Variants in RCN3 observed in about 807,000 individuals in gnomAD.
RCN3 encodes reticulocalbin-3.
RCN3 carries 41 observed loss-of-function variants against 35.9 expected under a neutral mutation model. That is an observed-to-expected ratio of 1.14 (90% CI 0.89 to 1.48). The LOEUF (loss-of-function observed/expected upper bound fraction) is 1.48. RCN3 is among the 40% of genes most tolerant of loss of function. The pLI is 0.00. For missense variants in RCN3, 451 were observed against 471.3 expected (o/e 0.96, Z 0.40); for synonymous variants, 187 against 193.4 (o/e 0.97, Z 0.27).
chr19:49,532,710 C>T (rs2080114954), intron 2 of RCN3, among the ~76,000 whole-genome samples: 1 of 151,882 alleles, frequency 6.6e-6, no homozygotes, highest in African/African-American at 2.4e-5. Context: ...GAGTCTCGCT[C>T]TGTTGCCCAG....
At chr19:49,537,729 C>T (rs61102029) in intron 4 of RCN3, among the ~76,000 whole-genome samples, 15,349 of 151,894 alleles carry the variant, frequency 0.1, 998 homozygotes, top group African/African-American at 0.18. Context: ...AAACTTTTGA[C>T]CTCAGGTGAT....
At chr19:49,534,488 G>T in intron 3 of RCN3, 93 bp downstream of exon 3, 1 of 1,358,956 alleles carries the variant, frequency 7.4e-7, no homozygotes, top group Non-Finnish European at 9.9e-7. Flanking sequence ...CATTTACCCG[G>T]AGTCCCTGGC....
chr19:49,528,353 C>T, intron 1 of RCN3, 114 bp from the exon 2 acceptor site: 2 of 1,062,492 alleles, frequency 1.9e-6, no homozygotes, highest in Non-Finnish European at 2.5e-6. Context: ...AAGCTTGCAG[C>T]CAACTTCCAA....
Position 49,528,620 on chromosome 19 carries a change from G to A in RCN3, c.148G>A (p.Gly50Arg). ...CGACGCTCCCCATGATGACGCCCAC[G>A]GGAACTTCCAGTACGACCATGAGGC... ...LSDAPHDDAH[G>R]NFQYDHEAFL... is the part of the protein sequence containing the mutation. The change falls in exon 2 of 7, where the codon GGG (glycine) becomes AGG (arginine). Residue 50 changes from glycine to arginine, a missense_variant. By Grantham distance (125) the Gly-to-Arg change is moderately radical. Coordinates refer to ENST00000270645, the MANE Select transcript of RCN3 (RefSeq NM_020650.3). 3.1e-6 allele frequency: 5 copies of A among 1,612,362 alleles called. No individual in the cohort carries two copies. The highest frequency in any genetic ancestry group is 1.3e-5 in the African/African-American group (1 of 74,900).
At chr19:49,535,301 A>G (rs962475190) in intron 3 of RCN3, among the ~76,000 whole-genome samples, 1 of 152,130 alleles carries the variant, frequency 6.6e-6, no homozygotes. Context: ...AAGCCATCTC[A>G]GTCCCTGTAA....
chr19:49,536,302 T>TC (rs1414264671), intron 3 of RCN3, among the ~76,000 whole-genome samples: 1 of 141,106 alleles, frequency 7.1e-6, no homozygotes, highest in East Asian at 2.0e-4. Flanking sequence ...TTTTTTTTTT[T>TC]TTTTTTTTTT....
chr19:49,543,375 C>A lies in RCN3; in HGVS notation c.*162C>A. ...GGGACCCCCTGGGTCGGCTTCTGTC[C>A]CTGTCACACCCCCAACCCCAGGGAG... is the stretch of plus-strand genomic sequence containing the variant. On this transcript the variant is annotated 3_prime_UTR_variant, in exon 7 of 7. Transcript: ENST00000270645. The A allele has an allele frequency of 1.6e-6, 1 of 635,066 alleles. No individual in the cohort carries two copies. Among genetic ancestry groups the A allele is most frequent in the Non-Finnish European group, 2.8e-6 (1 of 352,890 alleles). 39.3% of individuals were successfully genotyped at this position (635,066 alleles called of 1,614,324 possible).
intron 2 of RCN3, among the ~76,000 whole-genome samples, chr19:49,529,563 T>C (rs531007147): frequency 6.6e-6 from 1 of 152,324 alleles, no homozygotes; most frequent in East Asian, 1.9e-4. Flanking sequence ...CTCTAGGTGC[T>C]GAAGTCACAA....
At chr19:49,539,241 T>G (rs1223114268) in intron 5 of RCN3, 62 bp downstream of exon 5, 2 of 1,408,614 alleles carry the variant, frequency 1.4e-6, no homozygotes, top group South Asian at 1.2e-5. Context: ...GCAGGGTTGG[T>G]GGGGGTAGCC....
At chr19:49,541,118 C>CG (rs1457627459) in intron 5 of RCN3, among the ~76,000 whole-genome samples, 6 of 151,960 alleles carry the variant, frequency 3.9e-5, no homozygotes, top group South Asian at 2.1e-4. Context: ...TTAGTAGAGA[C>CG]GGGGTTTCAC....
At chr19:49,542,506 AC>A in intron 5 of RCN3, 46 bp from the exon 6 acceptor site, 2 of 1,413,400 alleles carry the variant, frequency 1.4e-6, no homozygotes, top group Non-Finnish European at 9.7e-7. Flanking sequence ...GCTCCACTAG[AC>A]CCCCAGAGCT....
chr19:49,533,074 CTG>C (rs2080116814), intron 2 of RCN3, among the ~76,000 whole-genome samples: 2 of 152,184 alleles, frequency 1.3e-5, no homozygotes, highest in African/African-American at 4.8e-5. Context: ...AGAGGGGTAA[CTG>C]AGACACAGAG....
intron 6 of RCN3, 149 bp from the exon 7 acceptor site, chr19:49,542,957 C>T: frequency 1.2e-6 from 1 of 826,560 alleles, no homozygotes. Flanking sequence ...GAGAGAAGGA[C>T]AGGGACCAAG....
At chr19:49,532,788 G>A (rs556230052) in intron 2 of RCN3, among the ~76,000 whole-genome samples, 5 of 152,246 alleles carry the variant, frequency 3.3e-5, no homozygotes, top group Middle Eastern at 3.4e-3. Flanking sequence ...CAATTCTCCC[G>A]CGTCAGCCTC....
At chr19:49,539,759 G>C (rs181771910) in intron 5 of RCN3, among the ~76,000 whole-genome samples, 1 of 87,754 alleles carries the variant, frequency 1.1e-5, no homozygotes, top group East Asian at 3.3e-4. Context: ...GTTTTTTTCT[G>C]TTGCTCAGGC....
intron 2 of RCN3, among the ~76,000 whole-genome samples, chr19:49,531,921 C>T (rs530302118): frequency 2.4e-4 from 37 of 151,664 alleles, no homozygotes; most frequent in African/African-American, 9.0e-4. Context: ...CTGCCTCAGC[C>T]TCCCGAGTAG....
chr19:49,531,547 C>G (rs2080108101), intron 2 of RCN3, among the ~76,000 whole-genome samples: 1 of 152,120 alleles, frequency 6.6e-6, no homozygotes, highest in Non-Finnish European at 1.5e-5. Context: ...AGGTGGGGAA[C>G]AGACTGTAGG....
intron 5 of RCN3, among the ~76,000 whole-genome samples, chr19:49,542,098 T>C (rs2080165526): frequency 6.6e-6 from 1 of 151,632 alleles, no homozygotes; most frequent in South Asian, 2.1e-4. Context: ...AGGGTCTTGC[T>C]ATGTTGCCCA....
rs1347633135 is a variant in RCN3 at position 49,528,547 on chromosome 19, C to G, written c.75C>G (p.Asp25Glu). ...GGGCCCAGGGGAAGCCATCCCCAGA[C>G]GCAGGCCCTCATGGCCAGGGGAGGG... The part of the protein sequence containing the change: ...RHGAQGKPSP[D>E]AGPHGQGRVH... Residue 25 changes from aspartate to glutamate, a missense_variant, in exon 2 of 7, where the codon GAC (aspartate) becomes GAG (glutamate). Coordinates refer to ENST00000270645, the MANE Select transcript of RCN3 (RefSeq NM_020650.3). 2 of 1,588,230 alleles carry G rather than the reference C, an allele frequency of 1.3e-6. No homozygotes were observed. The highest frequency in any genetic ancestry group is 8.6e-7 in the Non-Finnish European group (1 of 1,168,762).
Sources: gnomAD v4.1 joint callset for allele counts (sites outside exome capture counted in the v4.1 genomes callset) on GRCh38, gnomAD v4.1.1 for gene constraint, MANE v1.5 for transcripts, NCBI Gene and HGNC (gene_info 2026-07-23, HGNC 2026-07-21) for gene names.